Variants in C7orf78 observed in about 807,000 individuals in gnomAD.
The protein encoded by C7orf78 is putative uncharacterized protein C7orf78.
At chr7:12,509,632 C>G in the C7orf78 span, among the ~76,000 whole-genome samples, 1 of 152,212 alleles carries the variant, frequency 6.6e-6, no homozygotes, top group African/African-American at 2.4e-5. Context: ...CCAACTCACT[C>G]TTCCCAGTCT....
the C7orf78 span, among the ~76,000 whole-genome samples, chr7:12,514,000 A>C: frequency 6.6e-6 from 1 of 152,108 alleles, no homozygotes; most frequent in Admixed American, 6.5e-5. Flanking sequence ...ACTCCGTCTC[A>C]AAAGAAAAAA....
the C7orf78 span, chr7:12,529,114 A>T: frequency 2.5e-6 from 1 of 397,832 alleles, no homozygotes; most frequent in Non-Finnish European, 4.4e-6. Flanking sequence ...GCTTTAGTGC[A>T]GGAGTTTTTT....
At chr7:12,498,293 G>C in the C7orf78 span, among the ~76,000 whole-genome samples, 1 of 151,840 alleles carries the variant, frequency 6.6e-6, no homozygotes, top group Non-Finnish European at 1.5e-5. Flanking sequence ...TCTGAGCTAC[G>C]GGTGGACATT....
the C7orf78 span, among the ~76,000 whole-genome samples, chr7:12,498,531 A>G: frequency 2.6e-5 from 4 of 152,106 alleles, no homozygotes; most frequent in African/African-American, 9.7e-5. Flanking sequence ...GAAAGTTTAG[A>G]GAAAAAAGAA....
the C7orf78 span, chr7:12,483,462 C>T: frequency 2.6e-5 from 4 of 152,218 alleles, no homozygotes; most frequent in South Asian, 2.1e-4. Context: ...GAACAGAAGT[C>T]GATCTCATAT....
the C7orf78 span, among the ~76,000 whole-genome samples, chr7:12,497,599 G>C: frequency 1.3e-5 from 2 of 151,224 alleles, no homozygotes; most frequent in Non-Finnish European, 2.9e-5. Context: ...ACGGAGTCTC[G>C]CTGATTGCTA....
the C7orf78 span, among the ~76,000 whole-genome samples, chr7:12,533,352 C>A: frequency 6.6e-6 from 1 of 151,826 alleles, no homozygotes; most frequent in Non-Finnish European, 1.5e-5. Context: ...AGGTTCCCAT[C>A]ACCATACCCA....
chr7:12,505,610 A>C, the C7orf78 span, among the ~76,000 whole-genome samples: 1 of 152,154 alleles, frequency 6.6e-6, no homozygotes, highest in Non-Finnish European at 1.5e-5. Flanking sequence ...TTTTCAGTGC[A>C]ACATCTTGGA....
chr7:12,505,735 TA>T, the C7orf78 span, among the ~76,000 whole-genome samples: 1 of 152,178 alleles, frequency 6.6e-6, no homozygotes, highest in Non-Finnish European at 1.5e-5. Context: ...TGTATTTCTC[TA>T]ATCTTTAGTT....
the C7orf78 span, among the ~76,000 whole-genome samples, chr7:12,532,763 T>C: frequency 6.6e-6 from 1 of 152,086 alleles, no homozygotes; most frequent in East Asian, 1.9e-4. Flanking sequence ...ATATAAAATA[T>C]ATATAATGTC....
chr7:12,535,649 C>A, the C7orf78 span, among the ~76,000 whole-genome samples: 1 of 152,158 alleles, frequency 6.6e-6, no homozygotes, highest in South Asian at 2.1e-4. Context: ...GTCCACGGTC[C>A]AACATCTCTT....
chr7:12,511,259 C>A, the C7orf78 span, among the ~76,000 whole-genome samples: 2 of 151,954 alleles, frequency 1.3e-5, no homozygotes, highest in Non-Finnish European at 2.9e-5. Flanking sequence ...ATTTTTATAC[C>A]AATACCATGC....
the C7orf78 span, among the ~76,000 whole-genome samples, chr7:12,508,011 C>G: frequency 2.0e-5 from 3 of 152,268 alleles, no homozygotes; most frequent in Non-Finnish European, 2.9e-5. Flanking sequence ...TAATTTTAAT[C>G]TCAGTCTACA....
chr7:12,504,099 CATATA>C, the C7orf78 span, among the ~76,000 whole-genome samples: 7 of 152,276 alleles, frequency 4.6e-5, no homozygotes, highest in East Asian at 1.9e-4. Context: ...CTCTCAGAAT[CATATA>C]ATATATCACA....
chr7:12,532,452 G>C, the C7orf78 span, among the ~76,000 whole-genome samples: 5 of 152,028 alleles, frequency 3.3e-5, no homozygotes, highest in African/African-American at 1.2e-4. Context: ...AGGTGGCTGA[G>C]GCAGGAGAAT....
At chr7:12,533,823 A>G in the C7orf78 span, among the ~76,000 whole-genome samples, 11 of 152,062 alleles carry the variant, frequency 7.2e-5, no homozygotes, top group Non-Finnish European at 1.3e-4. Flanking sequence ...GCCCCCAGCC[A>G]CCAAAAGTTT....
the C7orf78 span, among the ~76,000 whole-genome samples, chr7:12,517,962 T>A: frequency 6.6e-6 from 1 of 152,206 alleles, no homozygotes; most frequent in East Asian, 1.9e-4. Flanking sequence ...CTCTTTCATG[T>A]TTTCTGTGTC....
the C7orf78 span, among the ~76,000 whole-genome samples, chr7:12,526,142 TAG>T: frequency 2.6e-5 from 4 of 152,108 alleles, no homozygotes; most frequent in Non-Finnish European, 5.9e-5. Context: ...AGAGAATAAA[TAG>T]AGTGTAATGC....
chr7:12,539,240 G>A, the C7orf78 span, among the ~76,000 whole-genome samples: 20 of 152,078 alleles, frequency 1.3e-4, no homozygotes, highest in Admixed American at 1.0e-3. Flanking sequence ...CAAGGTGGGC[G>A]GATCGTGAGG....
Sources: gnomAD v4.1 joint callset for allele counts (sites outside exome capture counted in the v4.1 genomes callset) on GRCh38, gnomAD v4.1.1 for gene constraint, MANE v1.5 for transcripts, NCBI Gene and HGNC (gene_info 2026-07-23, HGNC 2026-07-21) for gene names.